Variants in GNG12 observed in about 807,000 individuals in gnomAD.
GNG12 encodes the protein guanine nucleotide-binding protein G(I)/G(S)/G(O) subunit gamma-12.
For synonymous variants in GNG12, 28 were observed against 29.7 expected, an observed-to-expected ratio of 0.94 and a Z score of 0.19; for missense variants, 69 against 83.8, an observed-to-expected ratio of 0.82 and a Z score of 0.69.
chr1:67,789,280 G>C (rs1173350256), intron 1 of GNG12, among the ~76,000 whole-genome samples: 1 of 152,188 alleles, frequency 6.6e-6, no homozygotes, highest in Non-Finnish European at 1.5e-5. Context: ...CATAGGAATG[G>C]ATGAGGACAT....
chr1:67,708,289 G>A (rs190849331), intron 2 of GNG12, among the ~76,000 whole-genome samples: 1 of 152,290 alleles, frequency 6.6e-6, no homozygotes, highest in Admixed American at 6.5e-5. Flanking sequence ...GGCACATAAG[G>A]AAGTCTTTAT....
At chr1:67,793,825 T>G (rs747550917) in intron 1 of GNG12, among the ~76,000 whole-genome samples, 2 of 152,226 alleles carry the variant, frequency 1.3e-5, no homozygotes, top group African/African-American at 2.4e-5. Context: ...TCACTCACTT[T>G]GTTGGGGAAG....
chr1:67,789,023 G>A (rs746096805), intron 1 of GNG12, among the ~76,000 whole-genome samples: 4 of 152,180 alleles, frequency 2.6e-5, no homozygotes, highest in Admixed American at 1.3e-4. Flanking sequence ...CTAAAGCAGC[G>A]GGAGCTCAGA....
chr1:67,751,092 C>T (rs1367705489), intron 2 of GNG12, among the ~76,000 whole-genome samples: 1 of 151,950 alleles, frequency 6.6e-6, no homozygotes, highest in African/African-American at 2.4e-5. Flanking sequence ...CAGACTTTCC[C>T]AACCATTTAC....
At chr1:67,766,293 C>T (rs994298421) in intron 2 of GNG12, among the ~76,000 whole-genome samples, 1 of 152,118 alleles carries the variant, frequency 6.6e-6, no homozygotes, top group Non-Finnish European at 1.5e-5. Context: ...CTCTAGGGGG[C>T]GAAGTTGGCT....
intron 2 of GNG12, among the ~76,000 whole-genome samples, chr1:67,724,530 T>C (rs1396336131): frequency 6.6e-6 from 1 of 152,134 alleles, no homozygotes; most frequent in Admixed American, 6.5e-5. Context: ...GCTGGGACTA[T>C]GGGCATGTGC....
At chr1:67,771,269 G>A (rs1179716529) in intron 2 of GNG12, among the ~76,000 whole-genome samples, 2 of 152,244 alleles carry the variant, frequency 1.3e-5, no homozygotes, top group African/African-American at 4.8e-5. Flanking sequence ...TAAGTGCCAG[G>A]CACTGGGCCA....
At chr1:67,783,490 G>A (rs536545105) in intron 1 of GNG12, among the ~76,000 whole-genome samples, 1 of 152,272 alleles carries the variant, frequency 6.6e-6, no homozygotes, top group East Asian at 1.9e-4. Flanking sequence ...AGACTGAAGA[G>A]CTTCTGCACA....
At chr1:67,773,284 T>C (rs1646685349) in intron 2 of GNG12, among the ~76,000 whole-genome samples, 1 of 152,326 alleles carries the variant, frequency 6.6e-6, no homozygotes, top group South Asian at 2.1e-4. Context: ...CATTATTCCC[T>C]ATCATTCTCG....
chr1:67,819,073 CA>C (rs1482314355), intron 1 of GNG12, among the ~76,000 whole-genome samples: 1 of 152,064 alleles, frequency 6.6e-6, no homozygotes, highest in African/African-American at 2.4e-5. Context: ...GGGTAAAGGT[CA>C]GTTAGGAAGC....
intron 2 of GNG12, among the ~76,000 whole-genome samples, chr1:67,732,839 G>T (rs1465240988): frequency 2.6e-5 from 4 of 152,206 alleles, no homozygotes; most frequent in African/African-American, 9.6e-5. Flanking sequence ...TTTCCGCAGG[G>T]GTGACCAGTG....
chr1:67,810,702 G>C (rs961763351), intron 1 of GNG12, among the ~76,000 whole-genome samples: 2 of 152,174 alleles, frequency 1.3e-5, no homozygotes, highest in African/African-American at 2.4e-5. Context: ...TTGGACCACA[G>C]GTTGGGAATG....
intron 2 of GNG12, among the ~76,000 whole-genome samples, chr1:67,752,436 G>T (rs1021250961): frequency 6.6e-6 from 1 of 152,178 alleles, no homozygotes. Context: ...GGAGTTTGGG[G>T]TTAACAGGTT....
intron 1 of GNG12, among the ~76,000 whole-genome samples, chr1:67,783,762 T>A (rs1646751228): frequency 6.6e-6 from 1 of 151,984 alleles, no homozygotes. Flanking sequence ...AAAACCACAA[T>A]GAGATACCAT....
At chr1:67,749,520 T>C (rs148348419) in intron 2 of GNG12, among the ~76,000 whole-genome samples, 176 of 152,280 alleles carry the variant, frequency 1.2e-3, no homozygotes, top group South Asian at 4.8e-3. Flanking sequence ...GTAACACGGA[T>C]TCAGTGCTTC....
In GNG12 at chr1:67,759,656, C is replaced by CA. The variant is rs535699885; in HGVS notation, c.-27+17801dup. Among the ~76,000 whole-genome samples the CA allele has an allele frequency of 5.3e-5, 8 of 152,164 alleles. No homozygotes were observed. In the South Asian group the frequency reaches 1.7e-3, roughly 32 times the overall value. ...TAATACCTTATACATAGTAAGTGTG[C>CA]AATAAATACTAGTCATTGTTATTCC... On this transcript the variant is annotated intron_variant, in intron 2 of 3. Transcript: ENST00000370982.
rs1231457512 is a variant in GNG12 at position 67,746,522 on chromosome 1, G to C, written c.-27+30936C>G. The stretch of plus-strand genomic sequence containing the variant: ...TTGTGCTGAGGAAGGCATTCGGAGG[G>C]AGCTATGGGGGCGGGGGAGGTGGTC... On this transcript the variant is annotated intron_variant, in intron 2 of 3. Coordinates refer to ENST00000370982, the MANE Select transcript of GNG12 (RefSeq NM_018841.6). Among the ~76,000 whole-genome samples, 3 of 152,082 alleles carry C rather than the reference G, an allele frequency of 2.0e-5. No homozygotes were observed. In the South Asian group the frequency reaches 6.2e-4, roughly 31 times the overall value.
intron 1 of GNG12, among the ~76,000 whole-genome samples, chr1:67,798,811 G>A (rs868694902): frequency 1.3e-5 from 2 of 152,206 alleles, no homozygotes; most frequent in East Asian, 1.9e-4. Context: ...AAAATTAGCT[G>A]GGTGTGGTGG....
intron 2 of GNG12, among the ~76,000 whole-genome samples, chr1:67,770,028 G>A (rs1646664451): frequency 6.6e-6 from 1 of 152,198 alleles, no homozygotes; most frequent in South Asian, 2.1e-4. Context: ...CACTTTTAGA[G>A]TGTTAAAAGA....
Sources: gnomAD v4.1 joint callset for allele counts (sites outside exome capture counted in the v4.1 genomes callset) on GRCh38, gnomAD v4.1.1 for gene constraint, MANE v1.5 for transcripts, NCBI Gene and HGNC (gene_info 2026-07-23, HGNC 2026-07-21) for gene names.